Variants in EPG5 observed in about 807,000 individuals in gnomAD.
EPG5 encodes ectopic P-granules 5 autophagy tethering factor.
In EPG5, 159 loss-of-function variants were observed where a neutral mutation model predicts 302.7. That is an observed-to-expected ratio of 0.53 (90% CI 0.46 to 0.60). The LOEUF (loss-of-function observed/expected upper bound fraction) is 0.60. Among genes scored for constraint, EPG5 ranks in the 20% least tolerant of loss-of-function variants. EPG5 has a pLI of 0.00. For missense variants in EPG5, 2,896 were observed against 3,092.4 expected (o/e 0.94, Z 1.51); for synonymous variants, 1,158 against 1,136.8 (o/e 1.02, Z -0.37).
In EPG5 at chr18:45,885,134, C is replaced by T. The variant is rs542552284; in HGVS notation, c.5110-323G>A. Among the ~76,000 whole-genome samples, 347 of 152,100 alleles carry T rather than the reference C, an allele frequency of 2.3e-3. 2 individuals are homozygous for T. Among genetic ancestry groups the T allele is most frequent in the African/African-American group, 6.0e-3 (251 of 41,518 alleles). ...CAGGCGGATCACCTGAGGTCAGGAGCTCAAGACCAGCCTGGCCAACGTGGT... is the reference window on the plus strand; with the variant it reads ...CAGGCGGATCACCTGAGGTCAGGAGTTCAAGACCAGCCTGGCCAACGTGGT... On this transcript the variant is annotated intron_variant, in intron 29 of 43. Transcript: ENST00000282041.
At chr18:45,813,533 C>T in the EPG5 span, among the ~76,000 whole-genome samples, 1 of 152,100 alleles carries the variant, frequency 6.6e-6, no homozygotes, top group Non-Finnish European at 1.5e-5. Flanking sequence ...CCAGCAATGA[C>T]AGACTGGATT....
At chr18:45,867,229 C>T (rs2048766021) in intron 37 of EPG5, among the ~76,000 whole-genome samples, 1 of 152,158 alleles carries the variant, frequency 6.6e-6, no homozygotes, top group East Asian at 1.9e-4. Context: ...GTATCTGGAA[C>T]CCAGGTTCTT....
intron 13 of EPG5, among the ~76,000 whole-genome samples, chr18:45,927,533 G>C (rs1165101696): frequency 2.0e-5 from 3 of 151,068 alleles, no homozygotes; most frequent in African/African-American, 7.3e-5. Context: ...ATTCACAATA[G>C]TCAAAAGGCA....
intron 11 of EPG5, among the ~76,000 whole-genome samples, chr18:45,933,148 A>G (rs966542452): frequency 1.2e-4 from 19 of 152,206 alleles, no homozygotes; most frequent in African/African-American, 4.6e-4. Context: ...AGGACAGACA[A>G]TGGCTGTGAG....
At chr18:45,909,247 A>G (rs2049834057) in intron 23 of EPG5, among the ~76,000 whole-genome samples, 1 of 152,192 alleles carries the variant, frequency 6.6e-6, no homozygotes, top group South Asian at 2.1e-4. Flanking sequence ...GCTCAGTGAA[A>G]TAGATGGCCA....
rs1459118497 is a variant in EPG5 at position 45,852,419 on chromosome 18, A to T, written c.*48T>A. 1 of 1,554,246 alleles carries T rather than the reference A, an allele frequency of 6.4e-7. No individual in the cohort carries two copies. The highest frequency in any genetic ancestry group is 8.7e-7 in the Non-Finnish European group (1 of 1,144,686). ...AAGTTACTTGTGCAACAGCAAAGTT[A>T]AATGTAAACATAAACAGCAATGGGT... On this transcript the variant is annotated 3_prime_UTR_variant, in exon 44 of 44. Transcript: ENST00000282041.
At chr18:45,828,115 G>C in the EPG5 span, among the ~76,000 whole-genome samples, 3 of 152,292 alleles carry the variant, frequency 2.0e-5, no homozygotes, top group South Asian at 6.2e-4. Context: ...TCCAGGCCAC[G>C]GCCTGGGCAG....
At chr18:45,899,620 G>A in intron 26 of EPG5, 54 bp from the exon 27 acceptor site, 4 of 1,580,710 alleles carry the variant, frequency 2.5e-6, no homozygotes, top group Non-Finnish European at 3.5e-6. Flanking sequence ...TTATATGATA[G>A]GTGATAAAGG....
In EPG5 at chr18:45,878,551, T is replaced by A. The variant is rs1457510212; in HGVS notation, c.5870-103A>T. ...CTACCTCTTATTATCTGTAGCTTCA[T>A]AAACCTATGTTAATGTATAAACAAC... is the stretch of plus-strand genomic sequence containing the variant. On this transcript the variant is annotated intron_variant, in intron 33 of 43. Coordinates refer to ENST00000282041, the MANE Select transcript of EPG5 (RefSeq NM_020964.3). The A allele has an allele frequency of 5.5e-6, 4 of 723,182 alleles. No homozygotes were observed. In the African/African-American group the frequency reaches 7.1e-5, roughly 13 times the overall value. The allele number at this position is 723,182 out of a possible 1,614,324, so 44.8% of individuals were successfully genotyped here.
chr18:45,959,803 A>T (rs1408497440), intron 1 of EPG5, among the ~76,000 whole-genome samples: 2 of 152,016 alleles, frequency 1.3e-5, no homozygotes, highest in African/African-American at 4.8e-5. Flanking sequence ...AACATGGTGA[A>T]GCCCCATCTT....
At chr18:45,807,614 G>T in the EPG5 span, among the ~76,000 whole-genome samples, 1 of 152,124 alleles carries the variant, frequency 6.6e-6, no homozygotes, top group Non-Finnish European at 1.5e-5. Context: ...GGGTGGCAAG[G>T]TCCTAAAGAG....
intron 2 of EPG5, chr18:45,953,729 T>A (rs1372072183): frequency 4.1e-6 from 4 of 985,158 alleles, no homozygotes; most frequent in African/African-American, 3.5e-5. Context: ...TGCTTATAGT[T>A]AAGAAGGTGA....
At chr18:45,963,530 G>A (rs2051191333) in intron 1 of EPG5, among the ~76,000 whole-genome samples, 1 of 152,196 alleles carries the variant, frequency 6.6e-6, no homozygotes, top group African/African-American at 2.4e-5. Context: ...GAGCTACTCA[G>A]GAGGCTGAAG....
At chr18:45,914,927 G>A (rs1483856887) in intron 20 of EPG5, among the ~76,000 whole-genome samples, 1 of 151,372 alleles carries the variant, frequency 6.6e-6, no homozygotes, top group Non-Finnish European at 1.5e-5. Context: ...AGACCAGCCT[G>A]GGCAACAAAG....
chr18:45,966,991 G>T (rs747222880), intron 1 of EPG5, among the ~76,000 whole-genome samples, 186 bp downstream of exon 1: 5 of 152,172 alleles, frequency 3.3e-5, no homozygotes, highest in African/African-American at 1.2e-4. Context: ...GTGGCAGGGG[G>T]ATATGGAGAA....
chr18:45,946,629 G>T, intron 7 of EPG5, 34 bp downstream of exon 7: 1 of 1,492,474 alleles, frequency 6.7e-7, no homozygotes, highest in Non-Finnish European at 9.3e-7. Flanking sequence ...AGTTCACAAT[G>T]ATTCATCAAA....
At chr18:45,801,996 CA>C in the EPG5 span, among the ~76,000 whole-genome samples, 2,647 of 152,232 alleles carry the variant, frequency 0.017, 78 homozygotes, top group African/African-American at 0.06. Context: ...GAAGGGTTGA[CA>C]GGGGGCAGCA....
chr18:45,907,550 C>T (rs2049784235), intron 24 of EPG5, among the ~76,000 whole-genome samples: 2 of 152,132 alleles, frequency 1.3e-5, no homozygotes, highest in Non-Finnish European at 2.9e-5. Context: ...CTGATCTCCT[C>T]CATGCAACCA....
At chr18:45,921,963 T>TAA (rs751461636) in intron 16 of EPG5, among the ~76,000 whole-genome samples, 3 of 113,052 alleles carry the variant, frequency 2.7e-5, no homozygotes, top group East Asian at 2.5e-4. Context: ...AAGTAAAATT[T>TAA]AAAAAAAAAA....
Sources: gnomAD v4.1 joint callset for allele counts (sites outside exome capture counted in the v4.1 genomes callset) on GRCh38, gnomAD v4.1.1 for gene constraint, MANE v1.5 for transcripts, NCBI Gene and HGNC (gene_info 2026-07-23, HGNC 2026-07-21) for gene names.